Variants in PDE6A observed in about 807,000 individuals in gnomAD.
The protein encoded by PDE6A is phosphodiesterase 6A, also known as rod cGMP-specific 3',5'-cyclic phosphodiesterase subunit alpha.
Under a neutral mutation model 106.3 loss-of-function variants are expected in PDE6A, and 84 were observed. That is an observed-to-expected ratio of 0.79 (90% confidence interval 0.66 to 0.95). The LOEUF (loss-of-function observed/expected upper bound fraction) is 0.95. Ranked by LOEUF, PDE6A falls within the 40% of genes least tolerant of loss-of-function variation. The pLI, the probability that PDE6A is intolerant of heterozygous loss-of-function variation, is 0.00. For missense variants in PDE6A, 1,052 were observed against 1,084.9 expected (o/e 0.97, Z 0.43); for synonymous variants, 394 against 386.6 (o/e 1.02, Z -0.23).
chr5:149,866,556 CTT>C (rs1026372692), intron 19 of PDE6A: 2 of 341,842 alleles, frequency 5.9e-6, no homozygotes, highest in African/African-American at 4.2e-5. Context: ...TTAAAAGAGA[CTT>C]AAGAGACATT....
At chr5:149,939,270 A>G (rs925876436) in intron 1 of PDE6A, among the ~76,000 whole-genome samples, 1 of 152,204 alleles carries the variant, frequency 6.6e-6, no homozygotes, top group Non-Finnish European at 1.5e-5. Flanking sequence ...ACGGATGAAC[A>G]GAAAGCAACA....
rs541026559 is a variant in PDE6A, at chr5:149,941,051, T to C, written c.474+3149A>G. On this transcript the variant is annotated intron_variant, in intron 1 of 21. Coordinates refer to ENST00000255266, the MANE Select transcript of PDE6A (RefSeq NM_000440.3). ...GGAACACAGCTCCTGGTTTGGCCAG[T>C]GTAGGAGTGAATAAGACCCGCATGG... is the stretch of plus-strand genomic sequence containing the variant. Among the ~76,000 whole-genome samples the C allele has an allele frequency of 4.6e-5, 7 of 152,256 alleles. No individual in the cohort carries two copies. The South Asian group carries it at 6.2e-4, about 14-fold the overall frequency.
At chr5:149,887,642 C>T (rs1404015182) in intron 13 of PDE6A, among the ~76,000 whole-genome samples, 1 of 152,138 alleles carries the variant, frequency 6.6e-6, no homozygotes, top group South Asian at 2.1e-4. Context: ...GGGTTTGGGT[C>T]GGGAGAAACA....
At chr5:149,884,406 ATG>A (rs1389686641) in intron 16 of PDE6A, 71 bp downstream of exon 16, 3 of 866,408 alleles carry the variant, frequency 3.5e-6, no homozygotes, top group Non-Finnish European at 3.9e-6. Flanking sequence ...ATGTATATAT[ATG>A]TGTGTATATA....
At chr5:149,867,483 G>T in intron 19 of PDE6A, 1 of 602,120 alleles carries the variant, frequency 1.7e-6, no homozygotes, top group Non-Finnish European at 3.0e-6. Context: ...TCATTGCAGG[G>T]GCCCACCCCC....
intron 5 of PDE6A, among the ~76,000 whole-genome samples, chr5:149,917,917 C>A (rs766568362): frequency 2.0e-5 from 3 of 152,142 alleles, no homozygotes; most frequent in Non-Finnish European, 2.9e-5. Context: ...AGAGTCCCTG[C>A]CCCTTTGTTC....
At chr5:149,920,942 A>AAAG (rs1554091210) in intron 5 of PDE6A, among the ~76,000 whole-genome samples, 2,699 of 108,200 alleles carry the variant, frequency 0.025, 114 homozygotes, top group African/African-American at 0.11. Context: ...GAAAGAGAGA[A>AAAG]AAAGAAAGAA....
chr5:149,920,515 G>T (rs928950204), intron 5 of PDE6A, among the ~76,000 whole-genome samples: 1 of 152,280 alleles, frequency 6.6e-6, no homozygotes, highest in South Asian at 2.1e-4. Context: ...GGGAGGCAGA[G>T]GTTGCAGTGA....
At chr5:149,876,047 CATA>C (rs1760727237) in intron 17 of PDE6A, among the ~76,000 whole-genome samples, 1 of 152,048 alleles carries the variant, frequency 6.6e-6, no homozygotes, top group African/African-American at 2.4e-5. Context: ...GATCGATTTT[CATA>C]ATTACTTGCA....
chr5:149,867,760 C>T lies in PDE6A; in HGVS notation c.2239G>A (p.Asp747Asn). The change falls in exon 19 of 22, where the codon GAC (aspartate) becomes AAC (asparagine). Residue 747 changes from aspartate to asparagine, a missense_variant. Transcript: ENST00000255266. Reference sequence around the variant, plus strand: ...TGTTGCAGCACCGTGCGCTCCAGGTCACCTTGTTCCCAGAATTCAGCAGCC... The same window carrying T: ...TGTTGCAGCACCGTGCGCTCCAGGTTACCTTGTTCCCAGAATTCAGCAGCC... The part of the protein sequence containing the change: ...LVAAEFWEQG[D>N]LERTVLQQNP... 1.2e-6 allele frequency: 2 copies of T among 1,613,880 alleles called. No homozygotes were observed. The highest frequency in any genetic ancestry group is 1.7e-6 in the Non-Finnish European group (2 of 1,180,024).
At chr5:149,913,227 C>T (rs1753439593) in intron 6 of PDE6A, among the ~76,000 whole-genome samples, 1 of 151,818 alleles carries the variant, frequency 6.6e-6, no homozygotes, top group South Asian at 2.1e-4. Flanking sequence ...ACTAAAAATA[C>T]ACAAATTAGC....
chr5:149,860,670 C>G lies in PDE6A; in HGVS notation c.*225G>C. 1 of 363,686 alleles carries G rather than the reference C, an allele frequency of 2.7e-6. No homozygotes were observed. Among genetic ancestry groups the G allele is most frequent in the Non-Finnish European group, 4.9e-6 (1 of 203,040 alleles). 22.5% of individuals were successfully genotyped at this position (363,686 alleles called of 1,614,324 possible). On this transcript the variant is annotated 3_prime_UTR_variant, in exon 22 of 22. Coordinates refer to ENST00000255266, the MANE Select transcript of PDE6A (RefSeq NM_000440.3). ...TTTTGGCGATTTTTTTTTTTAAGTT[C>G]AACAGCTATCATTAGTGTTACTGTA... is the stretch of plus-strand genomic sequence containing the variant.
intron 4 of PDE6A, among the ~76,000 whole-genome samples, chr5:149,923,258 G>A (rs997700922): frequency 6.6e-6 from 1 of 152,110 alleles, no homozygotes; most frequent in African/African-American, 2.4e-5. Flanking sequence ...AGCCATTTGG[G>A]AGGCTGAGGC....
chr5:149,916,784 C>A (rs1434646760), intron 5 of PDE6A, among the ~76,000 whole-genome samples: 3 of 152,170 alleles, frequency 2.0e-5, no homozygotes, highest in Non-Finnish European at 4.4e-5. Flanking sequence ...AGACAGTGAA[C>A]CAAAATCAGA....
rs542769869 is a variant in PDE6A, at chr5:149,866,205, C to T, written c.2323G>A (p.Gly775Ser). The change falls in exon 20 of 22, where the codon GGC (glycine) becomes AGC (serine). Residue 775 changes from glycine to serine, a missense_variant. By Grantham distance (56) the Gly-to-Ser change is moderately conservative. This residue lies in a region of PDE6A where 135 missense variants were observed against 153.2 expected (regional missense o/e 0.88). Transcript: ENST00000255266. ...KADELPKLQV[G>S]FIDFVCTFVY... ...AAGGTGCAAACAAAGTCAATGAAGC[C>T]GACTTGAAGCTTAGGGAGTTCATCT... 16 of 1,614,112 alleles carry T rather than the reference C, an allele frequency of 9.9e-6. No homozygotes were observed. The highest frequency in any genetic ancestry group is 5.0e-5 in the Admixed American group (3 of 60,014).
At chr5:149,891,110 AC>A (rs1752527723) in intron 13 of PDE6A, among the ~76,000 whole-genome samples, 1 of 152,198 alleles carries the variant, frequency 6.6e-6, no homozygotes, top group South Asian at 2.1e-4. Context: ...GCACTCCATG[AC>A]TCATCATGGA....
chr5:149,919,333 C>T (rs1753639633), intron 5 of PDE6A, among the ~76,000 whole-genome samples: 2 of 152,140 alleles, frequency 1.3e-5, no homozygotes, highest in Admixed American at 6.6e-5. Context: ...ATAGTGAAAC[C>T]TCATCTCTAC....
intron 6 of PDE6A, among the ~76,000 whole-genome samples, chr5:149,912,963 G>C (rs1405151593): frequency 6.6e-6 from 1 of 152,124 alleles, no homozygotes; most frequent in Non-Finnish European, 1.5e-5. Context: ...GACCATTTAA[G>C]AGACAGATAA....
chr5:149,870,771 CAAAAAAAAA>C (rs3078093), intron 17 of PDE6A, among the ~76,000 whole-genome samples: 1 of 64,408 alleles, frequency 1.6e-5, no homozygotes, highest in African/African-American at 6.1e-5. Context: ...GAACACAGGG[CAAAAAAAAA>C]AAAAAAAAAA....
Sources: allele counts gnomAD v4.1 joint callset (sites outside exome capture counted in the v4.1 genomes callset), GRCh38; gene constraint gnomAD v4.1.1; regional missense constraint gnomAD v4.1.1; transcripts MANE v1.5; gene names NCBI Gene and HGNC (gene_info 2026-07-23, HGNC 2026-07-21).